The following USP34 variants were observed in gnomAD, a reference collection of about 807,000 sequenced individuals.
USP34 encodes ubiquitin specific peptidase 34.
Under a neutral mutation model 460.3 loss-of-function variants are expected in USP34, and 70 were observed. The observed-to-expected ratio is 0.15, with a 90% CI of 0.13 to 0.19. The LOEUF (loss-of-function observed/expected upper bound fraction) is 0.19, where lower values mean the gene tolerates loss of function less well. Among genes scored for constraint, USP34 ranks in the 10% least tolerant of loss-of-function variants. USP34 has a pLI of 1.00. For synonymous variants in USP34, 1,647 were observed against 1,405.3 expected (o/e 1.17, Z -3.85); for missense variants, 3,985 against 4,236.2 (o/e 0.94, Z 1.65).
chr2:61,418,368 C>G (rs1010487479), intron 2 of USP34, among the ~76,000 whole-genome samples: 2 of 152,224 alleles, frequency 1.3e-5, no homozygotes, highest in Non-Finnish European at 2.9e-5. Flanking sequence ...GCATGAGCAA[C>G]CACGCTTGGC....
intron 23 of USP34, 72 bp from the exon 24 acceptor site, chr2:61,315,046 A>G (rs541095896): frequency 5.1e-6 from 6 of 1,172,280 alleles, no homozygotes; most frequent in Non-Finnish European, 7.3e-6. Flanking sequence ...CTGAAGTATC[A>G]AAAGTAAAAA....
At chr2:61,298,384 A>C (rs1406694451) in intron 29 of USP34, among the ~76,000 whole-genome samples, 4 of 146,646 alleles carry the variant, frequency 2.7e-5, no homozygotes, top group South Asian at 2.2e-4. Context: ...AAAAAAAAAA[A>C]AAAACTAGCT....
At chr2:61,227,535 A>T (rs1687762110) in intron 61 of USP34, among the ~76,000 whole-genome samples, 1 of 151,908 alleles carries the variant, frequency 6.6e-6, no homozygotes. Flanking sequence ...ACATGGTGAA[A>T]CTCCGTTTCT....
intron 19 of USP34, among the ~76,000 whole-genome samples, chr2:61,332,495 T>TTTA (rs1029955543): frequency 2.6e-5 from 4 of 151,990 alleles, no homozygotes; most frequent in Non-Finnish European, 5.9e-5. Context: ...GGGTACTTGA[T>TTTA]TAAGTAACTG....
In USP34 at chr2:61,317,557, T is replaced by C. The variant is rs895555381; in HGVS notation, c.3282+97A>G. 3.6e-6 allele frequency: 4 copies of C among 1,095,982 alleles called. No homozygotes were observed. The Admixed American group carries it at 8.6e-5, about 24-fold the overall frequency. The allele number at this position is 1,095,982 out of a possible 1,614,324, so 67.9% of individuals were successfully genotyped here. On this transcript the variant is annotated intron_variant, in intron 23 of 79. Transcript: ENST00000398571. Reference sequence around the variant, plus strand: ...AAACCCAACTGCACTGCACAGGTAGTAAATTCTATACTTTGTAGAAAAATA... The same window carrying C: ...AAACCCAACTGCACTGCACAGGTAGCAAATTCTATACTTTGTAGAAAAATA...
intron 1 of USP34, among the ~76,000 whole-genome samples, chr2:61,457,429 G>A (rs778139): frequency 0.46 from 70,228 of 151,982 alleles, 16,564 homozygotes; most frequent in Middle Eastern, 0.52. Flanking sequence ...ACACCTAGAC[G>A]GCCTACTTAT....
rs371000877 is a variant in USP34 at position 61,227,076 on chromosome 2, C to T, written c.7586G>A (p.Arg2529Gln). ...ALVALLVEQS[R>Q]SERHLTLSQT... ...ATTCGAAACATTTCACCTTTCTGAT[C>T]GAGACTGTTCAACCAAAAGAGCAAC... Residue 2529 changes from arginine (R) to glutamine (Q), a missense_variant, in exon 62 of 80, where the codon CGA becomes CAA. Transcript: ENST00000398571. The T allele has an allele frequency of 2.5e-6, 4 of 1,603,030 alleles. No individual in the cohort carries two copies. The highest frequency in any genetic ancestry group is 8.5e-7 in the Non-Finnish European group (1 of 1,177,360).
chr2:61,239,382 C>A (rs1558484307), intron 53 of USP34, among the ~76,000 whole-genome samples: 1 of 144,214 alleles, frequency 6.9e-6, no homozygotes, highest in Non-Finnish European at 1.5e-5. Context: ...TGTAAATAAA[C>A]AAAATACATC....
intron 8 of USP34, among the ~76,000 whole-genome samples, 187 bp downstream of exon 8, chr2:61,378,176 A>G (rs976558193): frequency 2.0e-5 from 3 of 152,192 alleles, no homozygotes; most frequent in African/African-American, 7.2e-5. Context: ...CTGTCTCAAA[A>G]AAAAGAGGGA....
chr2:61,248,463 T>G (rs375623166), intron 49 of USP34, 48 bp downstream of exon 49: 1 of 1,495,358 alleles, frequency 6.7e-7, no homozygotes, highest in Non-Finnish European at 9.0e-7. Context: ...TACCTTGTTA[T>G]GGAGATTGAC....
At chr2:61,417,123 A>G in intron 2 of USP34, 2 of 1,561,558 alleles carry the variant, frequency 1.3e-6, no homozygotes, top group Non-Finnish European at 1.7e-6. Flanking sequence ...GGATGGACAT[A>G]ACTTGGCCAA....
chr2:61,403,313 A>T (rs888373370), intron 3 of USP34, among the ~76,000 whole-genome samples: 3 of 152,154 alleles, frequency 2.0e-5, no homozygotes, highest in Non-Finnish European at 2.9e-5. Flanking sequence ...AGTTTATTTT[A>T]GAAGCAGCAG....
At chr2:61,206,564 T>C (rs1314508386) in intron 71 of USP34, among the ~76,000 whole-genome samples, 196 bp downstream of exon 71, 1 of 152,188 alleles carries the variant, frequency 6.6e-6, no homozygotes, top group Admixed American at 6.5e-5. Flanking sequence ...TTCAGGCAGG[T>C]ACAAAAACAT....
intron 67 of USP34, among the ~76,000 whole-genome samples, chr2:61,218,061 T>A (rs955145171): frequency 2.0e-5 from 3 of 151,966 alleles, no homozygotes; most frequent in Non-Finnish European, 4.4e-5. Context: ...AAGAATAATA[T>A]TAAACAATGC....
At chr2:61,469,892 T>C (rs999512793) in intron 1 of USP34, among the ~76,000 whole-genome samples, 1 of 152,214 alleles carries the variant, frequency 6.6e-6, no homozygotes, top group African/African-American at 2.4e-5. Context: ...AAGATCAACG[T>C]ACCCTTTTTA....
chr2:61,372,702 C>T (rs1257450450), intron 8 of USP34, among the ~76,000 whole-genome samples: 25 of 152,160 alleles, frequency 1.6e-4, no homozygotes. Flanking sequence ...CAGAGCAAGA[C>T]ACTGTCTCAA....
chr2:61,329,597 G>C (rs1691200354), intron 20 of USP34, among the ~76,000 whole-genome samples: 1 of 152,120 alleles, frequency 6.6e-6, no homozygotes, highest in Non-Finnish European at 1.5e-5. Flanking sequence ...GTTGAGTTGA[G>C]TTCATAGACA....
intron 21 of USP34, among the ~76,000 whole-genome samples, chr2:61,322,700 GTT>G (rs1158459741): frequency 6.6e-6 from 1 of 152,070 alleles, no homozygotes; most frequent in Non-Finnish European, 1.5e-5. Flanking sequence ...AGTCTAAAGA[GTT>G]TTATCAGAAA....
intron 18 of USP34, among the ~76,000 whole-genome samples, chr2:61,336,548 G>A (rs1475988231): frequency 2.0e-5 from 3 of 150,372 alleles, no homozygotes; most frequent in Admixed American, 6.6e-5. Context: ...AGTGGCTCAC[G>A]CCTATAATCC....
Sources: allele counts gnomAD v4.1 joint callset (sites outside exome capture counted in the v4.1 genomes callset), GRCh38; gene constraint gnomAD v4.1.1; transcripts MANE v1.5; gene names NCBI Gene and HGNC (gene_info 2026-07-23, HGNC 2026-07-21).